Variants in ANKS3 observed in about 807,000 individuals in gnomAD.
The protein encoded by ANKS3 is ankyrin repeat and sterile alpha motif domain containing 3.
In ANKS3, 62 loss-of-function variants were observed where a neutral mutation model predicts 80.7. The ratio of observed to expected loss-of-function variants is 0.77; its 90% confidence interval spans 0.63 to 0.95. The LOEUF (loss-of-function observed/expected upper bound fraction) is 0.95, where lower values mean the gene tolerates loss of function less well. Ranked by LOEUF, ANKS3 falls within the 40% of genes least tolerant of loss-of-function variation. The probability of loss-of-function intolerance (pLI) is 0.00; values close to 1 mark genes in which losing one functional copy is unlikely to be tolerated. For missense variants in ANKS3, 1,150 were observed against 883.6 expected (o/e 1.30, Z -3.82); for synonymous variants, 489 against 355.3 (o/e 1.38, Z -4.23).
At position 4,730,166 on chromosome 16, in the gene ANKS3, C is replaced by G. The variant is rs2081545973; in HGVS notation, c.-2-15G>C. On this transcript the variant is annotated splice_polypyrimidine_tract_variant and intron_variant, in intron 2 of 17. Transcript: ENST00000304283. ...CTCGGACATCACTGAGGAGGAAGGC[C>G]CAAGGGTTAGATCTTTCCTGGCTGG... is the stretch of plus-strand genomic sequence containing the variant. The G allele has an allele frequency of 6.7e-7, 1 of 1,500,828 alleles. No individual in the cohort carries two copies. The highest frequency in any genetic ancestry group is 1.3e-5 in the South Asian group (1 of 75,380). The allele number at this position is 1,500,828 out of a possible 1,614,324, so 93.0% of individuals were successfully genotyped here. A position where few individuals can be genotyped will look rare whatever the true frequency, so the allele number is the denominator to read the frequency against.
intron 6 of ANKS3, among the ~76,000 whole-genome samples, chr16:4,718,566 G>A (rs1348442057): frequency 6.6e-6 from 1 of 152,222 alleles, no homozygotes; most frequent in East Asian, 1.9e-4. Flanking sequence ...CAGAAATGGA[G>A]CCCAGCTCTG....
In ANKS3 at chr16:4,699,034, C is replaced by T; in HGVS notation, c.1409+18G>A. On this transcript the variant is annotated intron_variant, in intron 12 of 17. Coordinates refer to ENST00000304283, the MANE Select transcript of ANKS3 (RefSeq NM_133450.4). ...CCCAACCCCGGGCTGAGGGCCAGAG[C>T]GGCCCTTCTGGACGCACGTGATGCC... is the stretch of plus-strand genomic sequence containing the variant. The T allele has an allele frequency of 2.5e-6, 4 of 1,614,168 alleles. No homozygotes were observed. Among genetic ancestry groups the T allele is most frequent in the Non-Finnish European group, 3.4e-6 (4 of 1,180,048 alleles).
intron 6 of ANKS3, among the ~76,000 whole-genome samples, chr16:4,724,147 C>T (rs1027962514): frequency 2.6e-5 from 4 of 152,144 alleles, no homozygotes; most frequent in African/African-American, 9.7e-5. Flanking sequence ...AGGATATTCC[C>T]GGAACACTGT....
At chr16:4,717,777 G>C (rs916409145) in intron 6 of ANKS3, among the ~76,000 whole-genome samples, 2 of 151,648 alleles carry the variant, frequency 1.3e-5, no homozygotes, top group African/African-American at 4.8e-5. Context: ...GCCTCCCTGG[G>C]ATTACAAACA....
At chr16:4,720,624 G>A (rs1465726873) in intron 6 of ANKS3, among the ~76,000 whole-genome samples, 3 of 151,314 alleles carry the variant, frequency 2.0e-5, no homozygotes, top group Non-Finnish European at 4.4e-5. Flanking sequence ...ATTCCCATAT[G>A]TGCTTAAAAA....
At chr16:4,698,683 G>A in intron 13 of ANKS3, 84 bp from the exon 14 acceptor site, 11 of 1,526,016 alleles carry the variant, frequency 7.2e-6, no homozygotes, top group Non-Finnish European at 7.0e-6. Flanking sequence ...CTGTGTGTGG[G>A]GCCCTCTCCC....
chr16:4,700,985 G>A lies in ANKS3; in HGVS notation c.1269C>T (p.Pro423=), dbSNP rs142502357. ...AESSPQTQRA[P]YSGPQDLAAL... is the part of the protein sequence containing the mutation. ...GCGGTCTTACCTGGGGTCCTGAGTAGGGGGCCCTCTGAGTCTGGGGGCTGG... is the reference window on the plus strand; with the variant it reads ...GCGGTCTTACCTGGGGTCCTGAGTAAGGGGCCCTCTGAGTCTGGGGGCTGG... The change falls in exon 11 of 18, where the codon CCC becomes CCT. Residue 423 remains proline, a synonymous_variant. Coordinates refer to ENST00000304283, the MANE Select transcript of ANKS3 (RefSeq NM_133450.4). 640 of 1,613,870 alleles carry A rather than the reference G, an allele frequency of 4.0e-4. No homozygotes were observed. The highest frequency in any genetic ancestry group is 5.1e-4 in the Non-Finnish European group (601 of 1,179,944).
At chr16:4,718,256 C>CT in intron 6 of ANKS3, among the ~76,000 whole-genome samples, 1 of 151,982 alleles carries the variant, frequency 6.6e-6, no homozygotes, top group African/African-American at 2.4e-5. Flanking sequence ...CTTTAAGAGA[C>CT]TTTTTTTTCC....
chr16:4,705,087 C>G lies in ANKS3; in HGVS notation c.868+8G>C, dbSNP rs1196325789. The stretch of plus-strand genomic sequence containing the variant: ...AGAAAGAGCCCTCGGGAAACGCGGG[C>G]CACTCACCATAGCGAGGCCGTGGGG... On this transcript the variant is annotated splice_region_variant and intron_variant, in intron 8 of 17. Coordinates refer to ENST00000304283, the MANE Select transcript of ANKS3 (RefSeq NM_133450.4). 3.1e-6 allele frequency: 5 copies of G among 1,610,820 alleles called. No homozygotes were observed. Among genetic ancestry groups the G allele is most frequent in the Non-Finnish European group, 8.5e-7 (1 of 1,179,488 alleles).
intron 6 of ANKS3, among the ~76,000 whole-genome samples, chr16:4,719,216 C>G (rs935547904): frequency 9.2e-5 from 14 of 152,264 alleles, no homozygotes; most frequent in South Asian, 2.1e-4. Context: ...CTTGTGGTCT[C>G]AGCTACTCAG....
In ANKS3 at chr16:4,714,199, G is replaced by GT. The variant is rs1461711978; in HGVS notation, c.574-14dup. 5.0e-6 allele frequency: 8 copies of GT among 1,613,530 alleles called. No individual in the cohort carries two copies. Among genetic ancestry groups the GT allele is most frequent in the Non-Finnish European group, 6.8e-6 (8 of 1,179,716 alleles). On this transcript the variant is annotated splice_polypyrimidine_tract_variant and intron_variant, in intron 6 of 17. Coordinates refer to ENST00000304283, the MANE Select transcript of ANKS3 (RefSeq NM_133450.4). Reference sequence around the variant, plus strand: ...CCACCTTGACTCCCTGTGAATGTCCGTGAAAGGGGGTTAGGGGCCTCTCCT... The same window carrying GT: ...CCACCTTGACTCCCTGTGAATGTCCGTTGAAAGGGGGTTAGGGGCCTCTCCT...
intron 7 of ANKS3, among the ~76,000 whole-genome samples, chr16:4,713,056 G>A (rs1395623414): frequency 6.6e-6 from 1 of 152,100 alleles, no homozygotes; most frequent in African/African-American, 2.4e-5. Flanking sequence ...GATCACCTGA[G>A]GTTGCGAGTT....
intron 6 of ANKS3, among the ~76,000 whole-genome samples, chr16:4,715,231 G>C (rs1332142055): frequency 6.6e-6 from 1 of 152,018 alleles, no homozygotes; most frequent in Non-Finnish European, 1.5e-5. Context: ...GCTCGGCTCA[G>C]GAGTTGGACA....
intron 6 of ANKS3, among the ~76,000 whole-genome samples, chr16:4,722,917 G>C (rs2081177006): frequency 6.8e-6 from 1 of 146,272 alleles, no homozygotes; most frequent in Non-Finnish European, 1.5e-5. Context: ...CACAGCACAA[G>C]ACTTCTGTCT....
intron 7 of ANKS3, among the ~76,000 whole-genome samples, chr16:4,706,979 G>A (rs891316944): frequency 2.6e-5 from 4 of 152,170 alleles, no homozygotes; most frequent in South Asian, 2.1e-4. Flanking sequence ...TCCCCATGAC[G>A]AGGCTCAAGC....
chr16:4,697,924 G>C, intron 15 of ANKS3, 53 bp downstream of exon 15: 1 of 1,439,380 alleles, frequency 6.9e-7, no homozygotes, highest in Admixed American at 2.7e-5. Flanking sequence ...CCTGGCTTCA[G>C]GGCTCCCCCA....
Position 4,713,922 on chromosome 16 carries a change from G to C in ANKS3, c.709+129C>G, listed in dbSNP as rs916511503. The stretch of plus-strand genomic sequence containing the variant: ...CCTCAACCTTGACATGTAAGCAGCT[G>C]GGGGAGGCAGAGCCAAATCTCAGAG... On this transcript the variant is annotated intron_variant, in intron 7 of 17. Transcript: ENST00000304283. 6 of 1,298,898 alleles carry C rather than the reference G, an allele frequency of 4.6e-6. No individual in the cohort carries two copies. In the African/African-American group the frequency reaches 8.9e-5, roughly 19 times the overall value. 80.5% of individuals were successfully genotyped at this position (1,298,898 alleles called of 1,614,324 possible).
chr16:4,705,218 A>C lies in ANKS3; in HGVS notation c.745T>G (p.Cys249Gly). ...GGCCTCTGTCTCTGAGGAGCAGGGC[A>C]GGACTCGTCAGAAGAGCTCAGATCT... The part of the protein sequence containing the change: ...YEDLSSSDES[C>G]PAPQRQRPCR... The change falls in exon 8 of 18, where the codon TGC (cysteine) becomes GGC (glycine). Residue 249 changes from cysteine to glycine, a missense_variant. By Grantham distance (159) the Cys-to-Gly change is radical. Coordinates refer to ENST00000304283, the MANE Select transcript of ANKS3 (RefSeq NM_133450.4). 6.2e-7 allele frequency: 1 copy of C among 1,614,068 alleles called. No individual in the cohort carries two copies. The highest frequency in any genetic ancestry group is 8.5e-7 in the Non-Finnish European group (1 of 1,180,042).
chr16:4,724,753 A>T lies in ANKS3; in HGVS notation c.570T>A (p.Asn190Lys). 1 of 1,613,004 alleles carries T rather than the reference A, an allele frequency of 6.2e-7. No individual in the cohort carries two copies. The highest frequency in any genetic ancestry group is 8.5e-7 in the Non-Finnish European group (1 of 1,179,550). The change falls in exon 6 of 18, where the codon AAT becomes AAA. Residue 190 changes from asparagine to lysine, a missense_variant. Coordinates refer to ENST00000304283, the MANE Select transcript of ANKS3 (RefSeq NM_133450.4). ...GCTAATAATCAGGGTCACTTACGTGATTCAGAAAATACTGCACGATTATCT... is the reference window on the plus strand; with the variant it reads ...GCTAATAATCAGGGTCACTTACGTGTTTCAGAAAATACTGCACGATTATCT... ...GHEIIVQYFLNHGVKVDARDH... is the reference protein window; with the variant it reads ...GHEIIVQYFLKHGVKVDARDH...
Sources: gnomAD v4.1 joint callset for allele counts (sites outside exome capture counted in the v4.1 genomes callset) on GRCh38, gnomAD v4.1.1 for gene constraint, MANE v1.5 for transcripts, NCBI Gene and HGNC (gene_info 2026-07-23, HGNC 2026-07-21) for gene names.